Variants in TAFA2 observed in about 807,000 individuals in gnomAD.
TAFA2 encodes the protein TAFA chemokine like family member 2.
A neutral mutation model predicts 18.8 loss-of-function variants in TAFA2; 7 were observed. The ratio of observed to expected loss-of-function variants is 0.37; its 90% CI spans 0.21 to 0.70. The LOEUF (loss-of-function observed/expected upper bound fraction) is 0.70. TAFA2 is among the 30% of genes least tolerant of loss of function. The pLI is 0.53. For missense variants in TAFA2, 122 were observed against 158.1 expected, an observed-to-expected ratio of 0.77 and a Z score of 1.23; for synonymous variants, 60 against 54.2, an observed-to-expected ratio of 1.11 and a Z score of -0.47.
intron 2 of TAFA2, among the ~76,000 whole-genome samples, chr12:61,832,037 A>G (rs868239048): frequency 5.3e-5 from 8 of 152,110 alleles, no homozygotes; most frequent in African/African-American, 1.9e-4. Context: ...AATTTCAAAG[A>G]TGGTAGCAAT....
rs186042310 is a variant in TAFA2, at chr12:62,057,524, T to C, written c.-2+133735A>G. ...TATTTTTCTCTCATTTTCTATACTG[T>C]TGGTTTTTCTTATTTTTTGCTTTAT... On this transcript the variant is annotated intron_variant, in intron 1 of 4. Coordinates refer to ENST00000416284, the MANE Select transcript of TAFA2 (RefSeq NM_178539.5). Among the ~76,000 whole-genome samples, 21 of 152,258 alleles carry C rather than the reference T, an allele frequency of 1.4e-4. 1 individual carries two copies. Among genetic ancestry groups the C allele is most frequent in the South Asian group, 4.1e-4 (2 of 4,832 alleles).
At chr12:61,920,881 T>C (rs1217462608) in intron 1 of TAFA2, among the ~76,000 whole-genome samples, 1 of 150,796 alleles carries the variant, frequency 6.6e-6, no homozygotes, top group Non-Finnish European at 1.5e-5. Flanking sequence ...AGTAGGGAGT[T>C]GTCAAAGAAG....
At chr12:61,868,196 T>C (rs537112789) in intron 1 of TAFA2, among the ~76,000 whole-genome samples, 12 of 152,342 alleles carry the variant, frequency 7.9e-5, no homozygotes, top group African/African-American at 2.9e-4. Context: ...CATTCTTTCA[T>C]TTGTTCTGAA....
intron 2 of TAFA2, among the ~76,000 whole-genome samples, chr12:61,823,206 T>A (rs1175778242): frequency 3.3e-5 from 5 of 152,112 alleles, no homozygotes; most frequent in Admixed American, 2.6e-4. Context: ...AGGGTCTCAC[T>A]CTGTTGTCCA....
intron 2 of TAFA2, among the ~76,000 whole-genome samples, chr12:61,828,270 C>G (rs1294900337): frequency 6.6e-6 from 1 of 151,850 alleles, no homozygotes; most frequent in Non-Finnish European, 1.5e-5. Flanking sequence ...GCAAATATCA[C>G]TGAAATAAAG....
At chr12:61,961,379 T>C (rs970176129) in intron 1 of TAFA2, among the ~76,000 whole-genome samples, 1 of 152,010 alleles carries the variant, frequency 6.6e-6, no homozygotes. Context: ...ATAGGTACTA[T>C]ATGCCCAAGT....
intron 1 of TAFA2, among the ~76,000 whole-genome samples, chr12:62,010,524 C>T (rs895163958): frequency 2.7e-4 from 41 of 152,164 alleles, no homozygotes; most frequent in African/African-American, 9.4e-4. Flanking sequence ...ACCTTCCAGC[C>T]GCCTGCCTTG....
upstream of TAFA2, among the ~76,000 whole-genome samples, chr12:62,195,175 G>T (rs912788848): frequency 1.3e-5 from 2 of 152,204 alleles, no homozygotes; most frequent in African/African-American, 2.4e-5. Context: ...ATGCAATGCT[G>T]CTTGATAGCA....
intron 4 of TAFA2, among the ~76,000 whole-genome samples, chr12:61,726,291 T>C (rs1259860722): frequency 6.6e-6 from 1 of 151,998 alleles, no homozygotes; most frequent in Non-Finnish European, 1.5e-5. Flanking sequence ...GGTATTTAGA[T>C]GGGAATGCAT....
intron 1 of TAFA2, among the ~76,000 whole-genome samples, chr12:61,898,103 C>A (rs1283703217): frequency 6.6e-6 from 1 of 152,248 alleles, no homozygotes; most frequent in East Asian, 1.9e-4. Flanking sequence ...CTAACCATGT[C>A]TCACATCCAG....
At chr12:61,818,867 A>G (rs1872203111) in intron 2 of TAFA2, among the ~76,000 whole-genome samples, 1 of 152,218 alleles carries the variant, frequency 6.6e-6, no homozygotes, top group Admixed American at 6.5e-5. Flanking sequence ...CCCTACAATA[A>G]TGCTATTATG....
At chr12:61,822,111 T>C (rs1872344377) in intron 2 of TAFA2, among the ~76,000 whole-genome samples, 1 of 152,072 alleles carries the variant, frequency 6.6e-6, no homozygotes, top group African/African-American at 2.4e-5. Context: ...TCATTGATTC[T>C]GAAGGGTTCA....
rs1185146158 is a variant in TAFA2 at position 61,901,909 on chromosome 12, A to G, written c.-1-34483T>C. Among the ~76,000 whole-genome samples the G allele has an allele frequency of 5.3e-5, 8 of 152,162 alleles. No homozygotes were observed. The South Asian group carries it at 1.0e-3, about 20-fold the overall frequency. On this transcript the variant is annotated intron_variant, in intron 1 of 4. Transcript: ENST00000416284. ...TTTCTTTGAATATTTTCATGCATAC[A>G]CATCAAATTTTTCTTATTCATTGCA...
At chr12:61,841,329 C>A (rs114521502) in intron 2 of TAFA2, among the ~76,000 whole-genome samples, 15 of 152,190 alleles carry the variant, frequency 9.9e-5, no homozygotes, top group African/African-American at 3.6e-4. Flanking sequence ...CTGTCTCAAA[C>A]CAGTACATTT....
At chr12:62,134,105 T>C (rs1870798655) in intron 1 of TAFA2, among the ~76,000 whole-genome samples, 1 of 151,868 alleles carries the variant, frequency 6.6e-6, no homozygotes, top group Non-Finnish European at 1.5e-5. Flanking sequence ...CTTCCCCTTC[T>C]TATGCTTGGA....
Position 62,186,407 on chromosome 12 carries a change from C to T in TAFA2, c.-2+4852G>A, listed in dbSNP as rs190585581. Among the ~76,000 whole-genome samples, 42 of 152,218 alleles carry T rather than the reference C, an allele frequency of 2.8e-4. 1 individual carries two copies. In the South Asian group the frequency reaches 8.1e-3, roughly 29 times the overall value. ...TTCCAGGCTTCATGTAGAGAGTTAG[C>T]TTTACATAGTACAGGAGACTTGTTC... On this transcript the variant is annotated intron_variant, in intron 1 of 4. Coordinates refer to ENST00000416284, the MANE Select transcript of TAFA2 (RefSeq NM_178539.5).
At chr12:61,947,462 A>AAAT (rs879751450) in intron 1 of TAFA2, among the ~76,000 whole-genome samples, 25 of 151,410 alleles carry the variant, frequency 1.7e-4, no homozygotes, top group Non-Finnish European at 2.5e-4. Context: ...TATAATTTAA[A>AAAT]AAATAAATAA....
intron 2 of TAFA2, among the ~76,000 whole-genome samples, chr12:61,807,526 A>T (rs1252752774): frequency 6.6e-6 from 1 of 151,292 alleles, no homozygotes; most frequent in Non-Finnish European, 1.5e-5. Context: ...GCACCACCTA[A>T]TGGAGCTGTG....
intron 4 of TAFA2, among the ~76,000 whole-genome samples, chr12:61,726,678 A>C (rs1870181953): frequency 6.6e-6 from 1 of 152,094 alleles, no homozygotes; most frequent in African/African-American, 2.4e-5. Context: ...ATCACCAGTG[A>C]ACAGTGACAG....
Sources: allele counts gnomAD v4.1 joint callset (sites outside exome capture counted in the v4.1 genomes callset), GRCh38; gene constraint gnomAD v4.1.1; transcripts MANE v1.5; gene names NCBI Gene and HGNC (gene_info 2026-07-23, HGNC 2026-07-21).